Variants in GPX2 observed in about 807,000 individuals in gnomAD.
GPX2 encodes gastrointestinal glutathione peroxidase.
Under a neutral mutation model 14.1 loss-of-function variants are expected in GPX2, and 21 were observed. The ratio of observed to expected loss-of-function variants is 1.48; its 90% CI spans 1.05 to 2.14. The LOEUF (loss-of-function observed/expected upper bound fraction) is 2.14, where lower values mean the gene tolerates loss of function less well. Ranked by LOEUF, GPX2 falls within the 30% of genes most tolerant of loss-of-function variation. The probability of loss-of-function intolerance (pLI) is 0.00; values close to 1 mark genes in which losing one functional copy is unlikely to be tolerated. For synonymous variants in GPX2, 94 were observed against 95.2 expected, an observed-to-expected ratio of 0.99 and a Z score of 0.07; for missense variants, 241 against 249.8, an observed-to-expected ratio of 0.96 and a Z score of 0.24.
chr14:64,939,996 A>G lies in GPX2; in HGVS notation c.223-158T>C. On this transcript the variant is annotated intron_variant, in intron 1 of 1. Coordinates refer to ENST00000389614, the MANE Select transcript of GPX2 (RefSeq NM_002083.4). This position sits in a 1 kb window ranked among gnomAD's most constrained non-coding sequence, Gnocchi z 5.7. Reference sequence around the variant, plus strand: ...AGACAGACGAGGTGTTGCTCACTGCAGCCTTGAACTTCTGGGCTCAAGCAT... The same window carrying G: ...AGACAGACGAGGTGTTGCTCACTGCGGCCTTGAACTTCTGGGCTCAAGCAT... The G allele has an allele frequency of 1.4e-6, 2 of 1,472,488 alleles. No individual in the cohort carries two copies. Among genetic ancestry groups the G allele is most frequent in the Non-Finnish European group, 1.8e-6 (2 of 1,121,750 alleles). 91.2% of individuals were successfully genotyped at this position (1,472,488 alleles called of 1,614,324 possible). A position where few individuals can be genotyped will look rare whatever the true frequency, so the allele number is the denominator to read the frequency against.
At position 64,939,202 on chromosome 14, in the gene GPX2, C is replaced by T; in HGVS notation, c.*286G>A. On this transcript the variant is annotated 3_prime_UTR_variant, in exon 2 of 2. Transcript: ENST00000389614. The surrounding 1 kb of genome is among the most constrained non-coding windows in gnomAD (Gnocchi z 5.7). The stretch of plus-strand genomic sequence containing the variant: ...TTGGTCTCTTCTAGCAGAGTGGCTC[C>T]AGGCCCTTCACGCCTCTCAGACACC... 2.5e-6 allele frequency: 1 copy of T among 400,522 alleles called. No individual in the cohort carries two copies. The highest frequency in any genetic ancestry group is 2.8e-5 in the South Asian group (1 of 35,278). 24.8% of individuals were successfully genotyped at this position (400,522 alleles called of 1,614,324 possible).
rs764164809 is a variant in GPX2 at position 64,939,501 on chromosome 14, T to G, written c.560A>C (p.Lys187Thr). Residue 187 changes from lysine (K) to threonine (T), a missense_variant, in exon 2 of 2, where the codon AAA becomes ACA. Transcript: ENST00000389614. This position sits in a 1 kb window ranked among gnomAD's most constrained non-coding sequence, Gnocchi z 5.7. Reference sequence around the variant, plus strand: ...AGCAGTTCACATCTATATGGCAACTTTAAGGAGGCGCTTGATGTCAGGCTC... The same window carrying G: ...AGCAGTTCACATCTATATGGCAACTGTAAGGAGGCGCTTGATGTCAGGCTC... Reference protein sequence around the residue: ...NIEPDIKRLLKVAI With the variant: ...NIEPDIKRLLTVAI 3 of 1,613,570 alleles carry G rather than the reference T, an allele frequency of 1.9e-6. No homozygotes were observed. The South Asian group carries it at 3.3e-5, about 18-fold the overall frequency.
intron 1 of GPX2, among the ~76,000 whole-genome samples, chr14:64,941,740 G>A (rs924188340): frequency 9.2e-5 from 14 of 152,182 alleles, no homozygotes; most frequent in Admixed American, 8.5e-4. Flanking sequence ...GGTGGAAATA[G>A]AAGAATCCCT....
At position 64,939,772 on chromosome 14, in the gene GPX2, G is replaced by A. The variant is rs769887240; in HGVS notation, c.289C>T (p.Pro97Ser). The change falls in exon 2 of 2, where the codon CCC (proline) becomes TCC (serine). Residue 97 changes from proline to serine, a missense_variant. Physicochemically the swap from Pro to Ser is moderately conservative, Grantham distance 74 (BLOSUM62 -1). Coordinates refer to ENST00000389614, the MANE Select transcript of GPX2 (RefSeq NM_002083.4). The surrounding 1 kb of genome is among the most constrained non-coding windows in gnomAD (Gnocchi z 5.7). ...KYVRPGGGYQ[P>S]TFTLVQKCEV... is the part of the protein sequence containing the mutation. ...CATTTTTGGACAAGGGTGAAGGTGG[G>A]CTGGTATCCACCCCCAGGACGGACA... 2.5e-6 allele frequency: 4 copies of A among 1,614,006 alleles called. No homozygotes were observed. The East Asian group carries it at 8.9e-5, about 36-fold the overall frequency.
Position 64,942,745 on chromosome 14 carries a change from C to G in GPX2, c.-19G>C. Reference sequence around the variant, plus strand: ...AAGCCATGGTGAAGCGCAGAGTGAGCCCCGCAGAGAGGCCTGAGCCCACTT... The same window carrying G: ...AAGCCATGGTGAAGCGCAGAGTGAGGCCCGCAGAGAGGCCTGAGCCCACTT... On this transcript the variant is annotated 5_prime_UTR_variant, in exon 1 of 2. Coordinates refer to ENST00000389614, the MANE Select transcript of GPX2 (RefSeq NM_002083.4). The G allele has an allele frequency of 6.3e-7, 1 of 1,594,952 alleles. No homozygotes were observed. The highest frequency in any genetic ancestry group is 8.6e-7 in the Non-Finnish European group (1 of 1,164,492).
chr14:64,940,258 T>G lies in GPX2; in HGVS notation c.223-420A>C. ...GGCTTAGGTTATACTGCTTAGAACCTCCTCTTCAACTAACCTACCGACCCA... is the reference window on the plus strand; with the variant it reads ...GGCTTAGGTTATACTGCTTAGAACCGCCTCTTCAACTAACCTACCGACCCA... On this transcript the variant is annotated intron_variant, in intron 1 of 1. Coordinates refer to ENST00000389614, the MANE Select transcript of GPX2 (RefSeq NM_002083.4). The surrounding 1 kb of genome is among the most constrained non-coding windows in gnomAD (Gnocchi z 4.5). 9.2e-7 allele frequency: 1 copy of G among 1,084,038 alleles called. No homozygotes were observed. The highest frequency in any genetic ancestry group is 1.3e-5 in the South Asian group (1 of 76,948). The allele number at this position is 1,084,038 out of a possible 1,614,324, so 67.2% of individuals were successfully genotyped here. A position where few individuals can be genotyped will look rare whatever the true frequency, so the allele number is the denominator to read the frequency against.
chr14:64,939,359 GCT>G lies in GPX2; in HGVS notation c.*127_*128del, dbSNP rs1885471468. ...GAAACAGGCAGAGGGGAAAGGCAAG[GCT>G]CTGCAGTGAAGGGGACTGATATCAA... is the stretch of plus-strand genomic sequence containing the variant. On this transcript the variant is annotated 3_prime_UTR_variant, in exon 2 of 2. Coordinates refer to ENST00000389614, the MANE Select transcript of GPX2 (RefSeq NM_002083.4). The surrounding 1 kb of genome is among the most constrained non-coding windows in gnomAD (Gnocchi z 5.7). 4.0e-6 allele frequency: 3 copies of G among 742,246 alleles called. No individual in the cohort carries two copies. The highest frequency in any genetic ancestry group is 7.0e-6 in the Non-Finnish European group (3 of 430,734). The allele number at this position is 742,246 out of a possible 1,614,324, so 46.0% of individuals were successfully genotyped here.
Position 64,940,257 on chromosome 14 carries a change from C to T in GPX2, c.223-419G>A. 9.2e-7 allele frequency: 1 copy of T among 1,088,362 alleles called. No individual in the cohort carries two copies. The highest frequency in any genetic ancestry group is 1.2e-6 in the Non-Finnish European group (1 of 804,992). 67.4% of individuals were successfully genotyped at this position (1,088,362 alleles called of 1,614,324 possible). A position where few individuals can be genotyped will look rare whatever the true frequency, so the allele number is the denominator to read the frequency against. Reference sequence around the variant, plus strand: ...AGGCTTAGGTTATACTGCTTAGAACCTCCTCTTCAACTAACCTACCGACCC... The same window carrying T: ...AGGCTTAGGTTATACTGCTTAGAACTTCCTCTTCAACTAACCTACCGACCC... On this transcript the variant is annotated intron_variant, in intron 1 of 1. Transcript: ENST00000389614. The surrounding 1 kb of genome is among the most constrained non-coding windows in gnomAD (Gnocchi z 4.5).
chr14:64,942,586 G>T lies in GPX2; in HGVS notation c.141C>A (p.Phe47Leu). The T allele has an allele frequency of 6.2e-7, 1 of 1,614,238 alleles. No individual in the cohort carries two copies. Among genetic ancestry groups the T allele is most frequent in the East Asian group, 2.2e-5 (1 of 44,880 alleles). ...ASLUGTTTRD[F>L]TQLNELQCRF... ...GGCATTGCAGCTCGTTGAGCTGGGT[G>T]AAGTCCCGGGTGGTTGTGCCTCAGA... The change falls in exon 1 of 2, where the codon TTC (phenylalanine) becomes TTA (leucine). Residue 47 changes from phenylalanine (F) to leucine (L), a missense_variant. By Grantham distance (22) the Phe-to-Leu change is conservative. Transcript: ENST00000389614.
Position 64,942,516 on chromosome 14 carries a change from A to G in GPX2, c.211T>C (p.Phe71Leu), listed in dbSNP as rs1401605491. 6.2e-7 allele frequency: 1 copy of G among 1,614,094 alleles called. No homozygotes were observed. The highest frequency in any genetic ancestry group is 8.5e-7 in the Non-Finnish European group (1 of 1,179,990). ...GAGGGACCCCTCACCTGATGTCCAA[A>G]TTGGTTGCAAGGGAAGCCAAGGACC... ...LVVLGFPCNQ[F>L]GHQENCQNEE... Residue 71 changes from phenylalanine (F) to leucine (L), a missense_variant, in exon 1 of 2, where the codon TTT becomes CTT. Transcript: ENST00000389614.
rs760511629 is a variant in GPX2 at position 64,939,874 on chromosome 14, G to A, written c.223-36C>T. 1.9e-6 allele frequency: 3 copies of A among 1,599,574 alleles called. No individual in the cohort carries two copies. The highest frequency in any genetic ancestry group is 2.2e-5 in the South Asian group (2 of 89,452). ...AAAAAGACAAAGTGCGTGGACAGTGGGTGGGGGAAGAGAAAGATCCACAAC... is the reference window on the plus strand; with the variant it reads ...AAAAAGACAAAGTGCGTGGACAGTGAGTGGGGGAAGAGAAAGATCCACAAC... On this transcript the variant is annotated intron_variant, in intron 1 of 1. Coordinates refer to ENST00000389614, the MANE Select transcript of GPX2 (RefSeq NM_002083.4). The surrounding 1 kb of genome is among the most constrained non-coding windows in gnomAD (Gnocchi z 5.7).
rs935624408 is a variant in GPX2, at chr14:64,939,969, C to A, written c.223-131G>T. 9 of 1,444,182 alleles carry A rather than the reference C, an allele frequency of 6.2e-6. No homozygotes were observed. The highest frequency in any genetic ancestry group is 1.5e-5 in the African/African-American group (1 of 68,360). The allele number at this position is 1,444,182 out of a possible 1,614,324, so 89.5% of individuals were successfully genotyped here. A position where few individuals can be genotyped will look rare whatever the true frequency, so the allele number is the denominator to read the frequency against. ...TTTTTCACTGTGAAAGAGAGAGAGA[C>A]AAGACAGACGAGGTGTTGCTCACTG... On this transcript the variant is annotated intron_variant, in intron 1 of 1. Transcript: ENST00000389614. This position sits in a 1 kb window ranked among gnomAD's most constrained non-coding sequence, Gnocchi z 5.7.
In GPX2 at chr14:64,942,640, C is replaced by G; in HGVS notation, c.87G>C (p.Arg29Ser). The G allele has an allele frequency of 1.2e-6, 2 of 1,614,186 alleles. No homozygotes were observed. The highest frequency in any genetic ancestry group is 2.2e-5 in the East Asian group (1 of 44,888). ...EKVDFNTFRGRAVLIENVASL... is the reference protein window; with the variant it reads ...EKVDFNTFRGSAVLIENVASL... ...AAGCCACATTCTCAATCAGCACGGC[C>G]CTGCCCCGGAACGTATTGAAATCTA... The change falls in exon 1 of 2, where the codon AGG (arginine) becomes AGC (serine). Residue 29 changes from arginine to serine, a missense_variant. Transcript: ENST00000389614.
chr14:64,939,896 C>A lies in GPX2; in HGVS notation c.223-58G>T. ...GTGGGTGGGGGAAGAGAAAGATCCACAACATGAAACTCTTTCACCCTCCTA... is the reference window on the plus strand; with the variant it reads ...GTGGGTGGGGGAAGAGAAAGATCCAAAACATGAAACTCTTTCACCCTCCTA... On this transcript the variant is annotated intron_variant, in intron 1 of 1. Transcript: ENST00000389614. The surrounding 1 kb of genome is among the most constrained non-coding windows in gnomAD (Gnocchi z 5.7). The A allele has an allele frequency of 6.4e-7, 1 of 1,572,128 alleles. No homozygotes were observed. Among genetic ancestry groups the A allele is most frequent in the East Asian group, 2.3e-5 (1 of 43,922 alleles).
rs1339849586 is a variant in GPX2, at chr14:64,939,886, GA to G, written c.223-49del. 28 of 1,588,532 alleles carry G rather than the reference GA, an allele frequency of 1.8e-5. No individual in the cohort carries two copies. The highest frequency in any genetic ancestry group is 2.3e-5 in the Non-Finnish European group (27 of 1,166,270). Reference sequence around the variant, plus strand: ...TGCGTGGACAGTGGGTGGGGGAAGAGAAAGATCCACAACATGAAACTCTTTC... The same window carrying G: ...TGCGTGGACAGTGGGTGGGGGAAGAGAAGATCCACAACATGAAACTCTTTC... On this transcript the variant is annotated intron_variant, in intron 1 of 1. Transcript: ENST00000389614. The surrounding 1 kb of genome is among the most constrained non-coding windows in gnomAD (Gnocchi z 5.7).
Position 64,942,699 on chromosome 14 carries a change from C to G in GPX2, c.28G>C (p.Asp10His). MAFIAKSFY[D>H]LSAISLDGEK... ...CCATCCAGGCTGATGGCACTGAGGT[C>G]ATAGAAGGACTTGGCAATGAAAGCC... The change falls in exon 1 of 2, where the codon GAC becomes CAC. Residue 10 changes from aspartate to histidine, a missense_variant. Asp to His is a moderately conservative substitution (Grantham distance 81). Transcript: ENST00000389614. The G allele has an allele frequency of 6.2e-7, 1 of 1,614,022 alleles. No individual in the cohort carries two copies. The highest frequency in any genetic ancestry group is 1.1e-5 in the South Asian group (1 of 91,046).
Position 64,942,647 on chromosome 14 carries a change from C to A in GPX2, c.80G>T (p.Arg27Leu). The change falls in exon 1 of 2, where the codon CGG (arginine) becomes CTG (leucine). Residue 27 changes from arginine to leucine, a missense_variant. By Grantham distance (102) the Arg-to-Leu change is moderately radical. Coordinates refer to ENST00000389614, the MANE Select transcript of GPX2 (RefSeq NM_002083.4). ...DGEKVDFNTF[R>L]GRAVLIENVA... is the part of the protein sequence containing the mutation. Reference sequence around the variant, plus strand: ...ATTCTCAATCAGCACGGCCCTGCCCCGGAACGTATTGAAATCTACCTTCTC... The same window carrying A: ...ATTCTCAATCAGCACGGCCCTGCCCAGGAACGTATTGAAATCTACCTTCTC... The A allele has an allele frequency of 6.2e-7, 1 of 1,614,196 alleles. No homozygotes were observed. The highest frequency in any genetic ancestry group is 8.5e-7 in the Non-Finnish European group (1 of 1,180,038).
chr14:64,939,919 C>T lies in GPX2; in HGVS notation c.223-81G>A. ...CACAACATGAAACTCTTTCACCCTCCTACACTCCCTCCCCAGGGTCATTCT... is the reference window on the plus strand; with the variant it reads ...CACAACATGAAACTCTTTCACCCTCTTACACTCCCTCCCCAGGGTCATTCT... On this transcript the variant is annotated intron_variant, in intron 1 of 1. Transcript: ENST00000389614. The surrounding 1 kb of genome is among the most constrained non-coding windows in gnomAD (Gnocchi z 5.7). The T allele has an allele frequency of 6.6e-7, 1 of 1,522,732 alleles. No homozygotes were observed. Among genetic ancestry groups the T allele is most frequent in the Non-Finnish European group, 8.8e-7 (1 of 1,136,006 alleles). The allele number at this position is 1,522,732 out of a possible 1,614,324, so 94.3% of individuals were successfully genotyped here.
At position 64,939,898 on chromosome 14, in the gene GPX2, A is replaced by G; in HGVS notation, c.223-60T>C. On this transcript the variant is annotated intron_variant, in intron 1 of 1. Coordinates refer to ENST00000389614, the MANE Select transcript of GPX2 (RefSeq NM_002083.4). This position sits in a 1 kb window ranked among gnomAD's most constrained non-coding sequence, Gnocchi z 5.7. The stretch of plus-strand genomic sequence containing the variant: ...GGGTGGGGGAAGAGAAAGATCCACA[A>G]CATGAAACTCTTTCACCCTCCTACA... 2 of 1,570,586 alleles carry G rather than the reference A, an allele frequency of 1.3e-6. No homozygotes were observed. The highest frequency in any genetic ancestry group is 1.7e-6 in the Non-Finnish European group (2 of 1,157,442).
Sources: allele counts gnomAD v4.1 joint callset (sites outside exome capture counted in the v4.1 genomes callset), GRCh38; gene constraint gnomAD v4.1.1; non-coding constraint Gnocchi (gnomAD v3.1); transcripts MANE v1.5; gene names NCBI Gene and HGNC (gene_info 2026-07-23, HGNC 2026-07-21).